Variants in IRAK1BP1 observed in about 807,000 individuals in gnomAD.
IRAK1BP1 encodes the protein interleukin 1 receptor associated kinase 1 binding protein 1, also known as interleukin-1 receptor-associated kinase 1-binding protein 1.
A neutral mutation model predicts 28.0 loss-of-function variants in IRAK1BP1; 24 were observed. The ratio of observed to expected loss-of-function variants is 0.86; its 90% CI spans 0.62 to 1.20. The LOEUF is 1.20. IRAK1BP1 is among the 50% of genes most tolerant of loss of function. The probability of loss-of-function intolerance (pLI) is 0.00; values close to 1 mark genes in which losing one functional copy is unlikely to be tolerated. For synonymous variants in IRAK1BP1, 131 were observed against 116.3 expected (o/e 1.13, Z -0.81); for missense variants, 336 against 316.7 (o/e 1.06, Z -0.46).
downstream of IRAK1BP1, among the ~76,000 whole-genome samples, chr6:78,948,997 AT>A (rs920897269): frequency 6.6e-6 from 1 of 152,006 alleles, no homozygotes; most frequent in Non-Finnish European, 1.5e-5. Flanking sequence ...GCCTTATTGC[AT>A]TGGCTAGAAT....
chr6:78,945,628 G>A lies in IRAK1BP1; in HGVS notation c.*288G>A, dbSNP rs1773771088. 17 of 661,934 alleles carry A rather than the reference G, an allele frequency of 2.6e-5. No homozygotes were observed. In the South Asian group the frequency reaches 2.9e-4, roughly 11 times the overall value. 41.0% of individuals were successfully genotyped at this position (661,934 alleles called of 1,614,324 possible). On this transcript the variant is annotated 3_prime_UTR_variant and NMD_transcript_variant, in exon 5 of 5. Transcript: ENST00000606868. ...GGATGCTTAAAGCTTTCTTAGGAAA[G>A]CTACTTTCTAATAGGAAAAAGGCGT...
chr6:78,965,615 G>C, the IRAK1BP1 span: 1 of 749,102 alleles, frequency 1.3e-6, no homozygotes, highest in South Asian at 1.8e-5. Flanking sequence ...ACTCACAACT[G>C]TAAGTGGTAG....
chr6:78,888,886 G>A (rs1057348618), intron 2 of IRAK1BP1, among the ~76,000 whole-genome samples: 3 of 152,076 alleles, frequency 2.0e-5, no homozygotes, highest in Admixed American at 6.5e-5. Flanking sequence ...GGGAGGCTGA[G>A]GTGGGCGGAT....
chr6:78,892,281 G>A (rs1044289587), intron 2 of IRAK1BP1, among the ~76,000 whole-genome samples: 2 of 152,012 alleles, frequency 1.3e-5, no homozygotes, highest in African/African-American at 4.8e-5. Flanking sequence ...GATTTGGCCA[G>A]TCCAAACTAG....
At position 78,900,414 on chromosome 6, in the gene IRAK1BP1, G is replaced by C. The variant is rs562966813; in HGVS notation, c.*2080G>C. 1 of 152,298 alleles carries C rather than the reference G, an allele frequency of 6.6e-6. No individual in the cohort carries two copies. The highest frequency in any genetic ancestry group is 2.4e-5 in the African/African-American group (1 of 41,558). The allele number at this position is 152,298 out of a possible 1,614,324, so 9.4% of individuals were successfully genotyped here. A position where few individuals can be genotyped will look rare whatever the true frequency, so the allele number is the denominator to read the frequency against. Reference sequence around the variant, plus strand: ...TTCTTACAACATATTCCAGTATATAGTGTCCAGCTTCACCCACTTTTTAAA... The same window carrying C: ...TTCTTACAACATATTCCAGTATATACTGTCCAGCTTCACCCACTTTTTAAA... On this transcript the variant is annotated 3_prime_UTR_variant, in exon 4 of 4. Transcript: ENST00000369940.
At chr6:78,970,297 A>G in the IRAK1BP1 span, 15 of 729,796 alleles carry the variant, frequency 2.1e-5, no homozygotes, top group Non-Finnish European at 2.7e-5. Context: ...GACTGTGTAC[A>G]TGTAAAAATT....
downstream of IRAK1BP1, among the ~76,000 whole-genome samples, chr6:78,950,593 C>T (rs1182514512): frequency 1.3e-5 from 2 of 152,112 alleles, no homozygotes; most frequent in East Asian, 1.9e-4. Context: ...CGGTCTATTT[C>T]ATGTAAGTTA....
the IRAK1BP1 span, chr6:78,970,967 AAG>A: frequency 1.1e-6 from 1 of 928,408 alleles, no homozygotes; most frequent in Non-Finnish European, 1.6e-6. Context: ...TGAAATTGCA[AAG>A]AGAAAATCTA....
intron 4 of IRAK1BP1, among the ~76,000 whole-genome samples, chr6:78,942,073 G>A (rs900536952): frequency 3.9e-5 from 6 of 152,162 alleles, no homozygotes; most frequent in Non-Finnish European, 5.9e-5. Context: ...GATATGGTAG[G>A]TGATTTGCAA....
At chr6:78,968,691 C>T in the IRAK1BP1 span, among the ~76,000 whole-genome samples, 1 of 152,036 alleles carries the variant, frequency 6.6e-6, no homozygotes, top group Non-Finnish European at 1.5e-5. Flanking sequence ...CTAAGCAAAA[C>T]AGCATATAAT....
chr6:78,970,914 A>C, the IRAK1BP1 span: 10 of 1,482,796 alleles, frequency 6.7e-6, no homozygotes, highest in Non-Finnish European at 9.3e-6. Flanking sequence ...ATAATCTTAC[A>C]ACCTGGATGT....
intron 4 of IRAK1BP1, among the ~76,000 whole-genome samples, chr6:78,927,439 C>G (rs1455262961): frequency 6.6e-6 from 1 of 151,934 alleles, no homozygotes; most frequent in East Asian, 1.9e-4. Context: ...GTTATTAATC[C>G]CTTGTCAGAT....
At chr6:78,880,662 A>G (rs1001686144) in intron 1 of IRAK1BP1, among the ~76,000 whole-genome samples, 1 of 152,224 alleles carries the variant, frequency 6.6e-6, no homozygotes, top group African/African-American at 2.4e-5. Context: ...TGTATCAAGA[A>G]CATATATAGA....
At chr6:78,916,213 CATTTGTTTGT>C (rs1772555385) in intron 4 of IRAK1BP1, among the ~76,000 whole-genome samples, 1 of 151,930 alleles carries the variant, frequency 6.6e-6, no homozygotes, top group Non-Finnish European at 1.5e-5. Context: ...GTTTTTTGTT[CATTTGTTTGT>C]CTAATTTGGT....
chr6:78,971,892 C>G, the IRAK1BP1 span, among the ~76,000 whole-genome samples: 1 of 152,180 alleles, frequency 6.6e-6, no homozygotes, highest in Admixed American at 6.5e-5. Context: ...CACGGAGTCT[C>G]GCTGATTGCT....
At chr6:78,939,791 A>G (rs2127676261) in intron 4 of IRAK1BP1, 1 of 152,444 alleles carries the variant, frequency 6.6e-6, no homozygotes, top group Admixed American at 6.5e-5. Flanking sequence ...TTCCTCTAGA[A>G]CATCTCTGTC....
At chr6:78,926,857 G>A (rs544525461) in intron 4 of IRAK1BP1, among the ~76,000 whole-genome samples, 4 of 152,216 alleles carry the variant, frequency 2.6e-5, no homozygotes, top group Admixed American at 2.0e-4. Flanking sequence ...TTCCATCTAT[G>A]TTGTTGCAAA....
At chr6:78,924,895 A>C (rs1361688046) in intron 4 of IRAK1BP1, among the ~76,000 whole-genome samples, 3 of 152,230 alleles carry the variant, frequency 2.0e-5, no homozygotes, top group African/African-American at 4.8e-5. Flanking sequence ...ACTATTCACA[A>C]TAGCAAAGAC....
intron 2 of IRAK1BP1, 52 bp from the exon 3 acceptor site, chr6:78,897,777 C>G (rs958149255): frequency 6.5e-7 from 1 of 1,530,144 alleles, no homozygotes; most frequent in Non-Finnish European, 8.9e-7. Context: ...TAGAGAAAAT[C>G]TTGAAACAGT....
Sources: gnomAD v4.1 joint callset for allele counts (sites outside exome capture counted in the v4.1 genomes callset) on GRCh38, gnomAD v4.1.1 for gene constraint, MANE v1.5 for transcripts, NCBI Gene and HGNC (gene_info 2026-07-23, HGNC 2026-07-21) for gene names.